The following ADAM19 variants were observed in gnomAD, a reference collection of about 807,000 sequenced individuals.
The protein encoded by ADAM19 is disintegrin and metalloproteinase domain-containing protein 19.
A neutral mutation model predicts 114.7 loss-of-function variants in ADAM19; 65 were observed. That is an observed-to-expected ratio of 0.57 (90% CI 0.46 to 0.70). The LOEUF (loss-of-function observed/expected upper bound fraction) is 0.70, where lower values mean the gene tolerates loss of function less well. Among genes scored for constraint, ADAM19 ranks in the 30% least tolerant of loss-of-function variants. ADAM19 has a pLI of 0.00. For synonymous variants in ADAM19, 466 were observed against 460.5 expected, an observed-to-expected ratio of 1.01 and a Z score of -0.15; for missense variants, 1,063 against 1,204.7, an observed-to-expected ratio of 0.88 and a Z score of 1.74.
chr5:157,554,330 G>C (rs186856696), intron 3 of ADAM19, among the ~76,000 whole-genome samples: 248 of 152,324 alleles, frequency 1.6e-3, no homozygotes, highest in African/African-American at 5.6e-3. Flanking sequence ...CTGAAGAGCA[G>C]CCAGGAGAAA....
Position 157,488,459 on chromosome 5 carries a change from GC to G in ADAM19, c.2355del (p.Lys785AsnfsTer27). On this transcript the variant is annotated frameshift_variant, in exon 21 of 23. Coordinates refer to ENST00000257527, the MANE Select transcript of ADAM19 (RefSeq NM_033274.5). LOFTEE classifies it high-confidence loss of function. ...GGGGGCCGGGGAGGAGGCTGGGAGG[GC>G]TTCCGCAGGATTTCCGGAGTGTTGA... ...KVINTPEILRKPSQPPPRPPP... is the reference protein window; with the variant it reads ...KVINTPEILRXPSQPPPRPPP... 1 of 1,606,820 alleles carries G rather than the reference GC, an allele frequency of 6.2e-7. No individual in the cohort carries two copies. The highest frequency in any genetic ancestry group is 8.5e-7 in the Non-Finnish European group (1 of 1,175,812).
chr5:157,502,794 AC>A lies in ADAM19; in HGVS notation c.1308+8del. On this transcript the variant is annotated splice_region_variant and intron_variant, in intron 12 of 22. Coordinates refer to ENST00000257527, the MANE Select transcript of ADAM19 (RefSeq NM_033274.5). ...TTCCCCTCCCACTAGCACCATTGTG[AC>A]CCCTCACCTCTTCTTCTCCACAGTC... 3.1e-6 allele frequency: 5 copies of A among 1,588,914 alleles called. No individual in the cohort carries two copies. Among genetic ancestry groups the A allele is most frequent in the Non-Finnish European group, 4.3e-6 (5 of 1,157,418 alleles).
At position 157,480,521 on chromosome 5, in the gene ADAM19, C is replaced by T. The variant is rs1754713601; in HGVS notation, c.*428G>A. Reference sequence around the variant, plus strand: ...CCAGCCTCCATCCAGCCCGGGACCTCTGAGGAGAGCAGAAGCAATGGGAAG... The same window carrying T: ...CCAGCCTCCATCCAGCCCGGGACCTTTGAGGAGAGCAGAAGCAATGGGAAG... On this transcript the variant is annotated 3_prime_UTR_variant, in exon 23 of 23. Transcript: ENST00000257527. The T allele has an allele frequency of 9.9e-7, 1 of 1,008,982 alleles. No individual in the cohort carries two copies. The highest frequency in any genetic ancestry group is 1.2e-6 in the Non-Finnish European group (1 of 844,734). 62.5% of individuals were successfully genotyped at this position (1,008,982 alleles called of 1,614,324 possible). A position where few individuals can be genotyped will look rare whatever the true frequency, so the allele number is the denominator to read the frequency against.
At chr5:157,551,190 A>C (rs551604490) in intron 3 of ADAM19, among the ~76,000 whole-genome samples, 1 of 152,082 alleles carries the variant, frequency 6.6e-6, no homozygotes, top group African/African-American at 2.4e-5. Context: ...GAATCACCTG[A>C]GGTCAGGAGT....
rs894330037 is a variant in ADAM19 at position 157,489,962 on chromosome 5, G to A, written c.2240+348C>T. 2.0e-5 allele frequency among the ~76,000 whole-genome samples: 3 copies of A among 152,302 alleles called. No individual in the cohort carries two copies. In the South Asian group the frequency reaches 6.2e-4, roughly 32 times the overall value. On this transcript the variant is annotated intron_variant, in intron 19 of 22. Transcript: ENST00000257527. ...AGATTGCACCACTGCATTCCAGCCT[G>A]GGCAACAAGAGTGAAACTCCATCTC... is the stretch of plus-strand genomic sequence containing the variant.
chr5:157,493,432 G>T (rs573661002), intron 15 of ADAM19, among the ~76,000 whole-genome samples: 1 of 152,220 alleles, frequency 6.6e-6, no homozygotes, highest in East Asian at 1.9e-4. Context: ...TTAACTCCAA[G>T]AATAGCCACC....
intron 3 of ADAM19, among the ~76,000 whole-genome samples, chr5:157,546,883 C>A (rs2113773867): frequency 6.6e-6 from 1 of 152,304 alleles, no homozygotes; most frequent in African/African-American, 2.4e-5. Flanking sequence ...CGGCCCAGCT[C>A]CACCTACTCA....
intron 5 of ADAM19, among the ~76,000 whole-genome samples, chr5:157,528,432 G>A (rs1424254954): frequency 6.6e-6 from 1 of 152,252 alleles, no homozygotes; most frequent in African/African-American, 2.4e-5. Flanking sequence ...ACACCTGCAT[G>A]TTCTTTTTCC....
chr5:157,479,919 C>G lies in ADAM19; in HGVS notation c.*1030G>C. The G allele has an allele frequency of 2.0e-6, 2 of 985,924 alleles. No homozygotes were observed. The highest frequency in any genetic ancestry group is 2.4e-6 in the Non-Finnish European group (2 of 830,044). 61.1% of individuals were successfully genotyped at this position (985,924 alleles called of 1,614,324 possible). A position where few individuals can be genotyped will look rare whatever the true frequency, so the allele number is the denominator to read the frequency against. On this transcript the variant is annotated 3_prime_UTR_variant, in exon 23 of 23. Transcript: ENST00000257527. ...TTAGAGTAAGGAGGAAGACCCCCAC[C>G]CTGCTGAGGTCACAAAACACAATGA...
In ADAM19 at chr5:157,537,934, T is replaced by A. The variant is rs1470634357; in HGVS notation, c.309A>T (p.Gln103His). ...ETHYTSSGNP[Q>H]TTTRKLEDHC... Reference sequence around the variant, plus strand: ...TCACCTCCAATTTCCGTGTGGTGGTTTGAGGGTTACCACTTGAAGTATAAT... The same window carrying A: ...TCACCTCCAATTTCCGTGTGGTGGTATGAGGGTTACCACTTGAAGTATAAT... The change falls in exon 4 of 23, where the codon CAA (glutamine) becomes CAT (histidine). Residue 103 changes from glutamine (Q) to histidine (H), a missense_variant. Gln to His is a conservative substitution (Grantham distance 24). This residue lies in a region of ADAM19 where 615 missense variants were observed against 706.3 expected (regional missense o/e 0.87). Coordinates refer to ENST00000257527, the MANE Select transcript of ADAM19 (RefSeq NM_033274.5). 2 of 1,614,002 alleles carry A rather than the reference T, an allele frequency of 1.2e-6. No individual in the cohort carries two copies. Among genetic ancestry groups the A allele is most frequent in the Admixed American group, 1.7e-5 (1 of 60,000 alleles).
Position 157,513,492 on chromosome 5 carries a change from C to A in ADAM19, c.680G>T (p.Arg227Leu). Residue 227 changes from arginine (R) to leucine (L), a missense_variant, in exon 8 of 23, where the codon CGA becomes CTA. Physicochemically the swap from Arg to Leu is moderately radical, Grantham distance 102 (BLOSUM62 -2). Around this residue, in one of 3 missense-constraint regions of ADAM19, gnomAD observed 615 missense variants for 706.3 expected, o/e 0.87. Transcript: ENST00000257527. ...VADYLEFQKN[R>L]RDQDATKHKL... is the part of the protein sequence containing the mutation. The stretch of plus-strand genomic sequence containing the variant: ...GTGTTTGGTGGCGTCCTGGTCTCGT[C>A]GATTCTTCTGAAACTAAATGGGACA... The A allele has an allele frequency of 6.2e-7, 1 of 1,613,994 alleles. No individual in the cohort carries two copies.
At chr5:157,555,007 G>C (rs929947840) in intron 3 of ADAM19, among the ~76,000 whole-genome samples, 17 of 152,304 alleles carry the variant, frequency 1.1e-4, no homozygotes, top group African/African-American at 3.9e-4. Context: ...GTAGAACAAT[G>C]AAGAAGAAAT....
chr5:157,491,622 G>A lies in ADAM19; in HGVS notation c.2088C>T (p.Pro696=). The A allele has an allele frequency of 6.6e-7, 1 of 1,512,536 alleles. No individual in the cohort carries two copies. The highest frequency in any genetic ancestry group is 2.3e-5 in the East Asian group (1 of 43,410). 93.7% of individuals were successfully genotyped at this position (1,512,536 alleles called of 1,614,324 possible). A position where few individuals can be genotyped will look rare whatever the true frequency, so the allele number is the denominator to read the frequency against. ...CAGCAGGCTGGCACTCACTCTCAGG[G>A]GGCATAGGCCCACTGTCGATACTGC... ...HGGSIDSGPM[P]PESVGPVVAG... Residue 696 remains proline, a synonymous_variant, in exon 18 of 23, where the codon CCC becomes CCT. Coordinates refer to ENST00000257527, the MANE Select transcript of ADAM19 (RefSeq NM_033274.5).
At chr5:157,528,631 TGCA>T (rs1250361950) in intron 5 of ADAM19, among the ~76,000 whole-genome samples, 3 of 152,200 alleles carry the variant, frequency 2.0e-5, no homozygotes, top group Non-Finnish European at 4.4e-5. Context: ...CAACTCACCA[TGCA>T]GCATTCAAAC....
intron 1 of ADAM19, among the ~76,000 whole-genome samples, chr5:157,573,221 G>T (rs1454610577): frequency 6.6e-6 from 1 of 152,190 alleles, no homozygotes. Context: ...TACATGTTAA[G>T]AAAAGGTCTC....
intron 21 of ADAM19, among the ~76,000 whole-genome samples, chr5:157,486,803 A>G (rs1310363968): frequency 6.6e-6 from 1 of 152,108 alleles, no homozygotes; most frequent in Non-Finnish European, 1.5e-5. Context: ...TTAAAAAAAA[A>G]AAATCATATG....
chr5:157,522,641 C>T (rs1240681610), intron 5 of ADAM19, among the ~76,000 whole-genome samples: 1 of 152,142 alleles, frequency 6.6e-6, no homozygotes, highest in Non-Finnish European at 1.5e-5. Flanking sequence ...CAAAAATTAG[C>T]CAGGCGTACT....
At chr5:157,530,661 C>T in intron 5 of ADAM19, 146 bp downstream of exon 5, 1 of 631,502 alleles carries the variant, frequency 1.6e-6, no homozygotes, top group East Asian at 2.8e-5. Flanking sequence ...CTTGCCCATC[C>T]TCCCAGGCTC....
intron 3 of ADAM19, among the ~76,000 whole-genome samples, chr5:157,544,308 C>T (rs1756994345): frequency 1.3e-5 from 2 of 152,340 alleles, no homozygotes; most frequent in African/African-American, 4.8e-5. Context: ...AGTATGTTTT[C>T]TTTAACTTCC....
Sources: allele counts gnomAD v4.1 joint callset (sites outside exome capture counted in the v4.1 genomes callset), GRCh38; gene constraint gnomAD v4.1.1; regional missense constraint gnomAD v4.1.1; transcripts MANE v1.5; gene names NCBI Gene and HGNC (gene_info 2026-07-23, HGNC 2026-07-21).